Variants in PCDHA3 observed in about 807,000 individuals in gnomAD.
PCDHA3 encodes protocadherin alpha 3.
PCDHA3 carries 41 observed loss-of-function variants against 62.2 expected under a neutral mutation model. The observed-to-expected ratio is 0.66, with a 90% CI of 0.51 to 0.86. The LOEUF is 0.86. PCDHA3 is among the 40% of genes least tolerant of loss of function. The pLI is 0.00. For synonymous variants in PCDHA3, 640 were observed against 555.4 expected, an observed-to-expected ratio of 1.15 and a Z score of -2.14; for missense variants, 1,304 against 1,241.2, an observed-to-expected ratio of 1.05 and a Z score of -0.76.
At chr5:140,826,108 A>C (rs1252391414) in intron 1 of PCDHA3, among the ~76,000 whole-genome samples, 1 of 152,218 alleles carries the variant, frequency 6.6e-6, no homozygotes, top group East Asian at 1.9e-4. Context: ...CATGCTATTT[A>C]TATATTCCTA....
At chr5:140,849,528 G>T in intron 1 of PCDHA3, 4 of 1,597,792 alleles carry the variant, frequency 2.5e-6, no homozygotes, top group Non-Finnish European at 3.4e-6. Flanking sequence ...GGATGTAAAT[G>T]ACAATGCTCC....
Position 140,869,569 on chromosome 5 carries a change from G to A in PCDHA3, c.2394+65978G>A, listed in dbSNP as rs200465902. ...ATCGGACTCGCGTTTTCCACTAGAG[G>A]GAGCTTCTGATGCTGACATTGAAGA... On this transcript the variant is annotated intron_variant, in intron 1 of 3. Coordinates refer to ENST00000522353, the MANE Select transcript of PCDHA3 (RefSeq NM_018906.3). 4.4e-4 allele frequency: 718 copies of A among 1,614,118 alleles called. 4 individuals carry two copies. The African/African-American group carries it at 8.4e-3, about 19-fold the overall frequency.
intron 1 of PCDHA3, among the ~76,000 whole-genome samples, chr5:140,901,961 C>T (rs62384485): frequency 2.0e-5 from 3 of 151,946 alleles, no homozygotes; most frequent in Non-Finnish European, 2.9e-5. Flanking sequence ...TCGTGGCTAT[C>T]GTAAATGGGA....
At chr5:140,942,527 AACTC>A (rs1420689882) in intron 1 of PCDHA3, among the ~76,000 whole-genome samples, 2 of 152,162 alleles carry the variant, frequency 1.3e-5, no homozygotes, top group Non-Finnish European at 2.9e-5. Flanking sequence ...GGAAGCAACT[AACTC>A]AGTATGGTGG....
intron 1 of PCDHA3, among the ~76,000 whole-genome samples, chr5:140,895,850 AC>A (rs2065202764): frequency 6.6e-6 from 1 of 152,110 alleles, no homozygotes; most frequent in Non-Finnish European, 1.5e-5. Context: ...TCACTCTTGT[AC>A]CCCAGGCTGG....
intron 1 of PCDHA3, among the ~76,000 whole-genome samples, chr5:140,818,240 C>G (rs1292675833): frequency 1.3e-5 from 2 of 152,008 alleles, no homozygotes; most frequent in Non-Finnish European, 2.9e-5. Context: ...CTTTTATGTG[C>G]CATTTCTGTT....
intron 1 of PCDHA3, among the ~76,000 whole-genome samples, chr5:140,839,701 G>A (rs1342678083): frequency 6.6e-6 from 1 of 152,034 alleles, no homozygotes; most frequent in Non-Finnish European, 1.5e-5. Context: ...GGTAAATAAT[G>A]TGATGACAAA....
intron 1 of PCDHA3, among the ~76,000 whole-genome samples, chr5:140,940,086 A>C (rs373629874): frequency 6.6e-6 from 1 of 152,214 alleles, no homozygotes; most frequent in Non-Finnish European, 1.5e-5. Flanking sequence ...TTTCTGCTAA[A>C]TTGAAACTTT....
chr5:140,885,516 T>A (rs1235698672), intron 1 of PCDHA3, among the ~76,000 whole-genome samples: 2 of 152,198 alleles, frequency 1.3e-5, no homozygotes, highest in Non-Finnish European at 2.9e-5. Flanking sequence ...TGCTGTGCTA[T>A]CATTTCATAT....
At chr5:140,847,063 C>T (rs1366357065) in intron 1 of PCDHA3, among the ~76,000 whole-genome samples, 2 of 149,510 alleles carry the variant, frequency 1.3e-5, no homozygotes, top group Non-Finnish European at 3.0e-5. Flanking sequence ...CAGAAAGCAT[C>T]AATATGACAA....
intron 1 of PCDHA3, chr5:140,804,792 T>G (rs1004818648): frequency 6.7e-5 from 19 of 281,534 alleles, no homozygotes; most frequent in Non-Finnish European, 1.1e-4. Context: ...TCCCTACCAC[T>G]GGAGAGAAAT....
At chr5:140,882,887 G>A (rs781927732) in intron 1 of PCDHA3, 43 of 1,614,050 alleles carry the variant, frequency 2.7e-5, no homozygotes, top group Non-Finnish European at 3.6e-5. Context: ...GGAAATTCAG[G>A]AACATAGTTT....
chr5:140,968,798 G>A, intron 1 of PCDHA3: 3 of 1,614,232 alleles, frequency 1.9e-6, no homozygotes, highest in Non-Finnish European at 2.5e-6. Context: ...GGCCATTACA[G>A]TAGCTGTGGT....
At chr5:141,002,357 C>G (rs2098075744) in intron 3 of PCDHA3, among the ~76,000 whole-genome samples, 2 of 152,246 alleles carry the variant, frequency 1.3e-5, no homozygotes, top group Admixed American at 6.5e-5. Flanking sequence ...ACCTCCACTC[C>G]TTTCAACTCA....
intron 1 of PCDHA3, among the ~76,000 whole-genome samples, chr5:140,820,456 T>A (rs1421227937): frequency 3.3e-5 from 5 of 152,058 alleles, no homozygotes; most frequent in African/African-American, 9.6e-5. Flanking sequence ...GTCCCTCTTG[T>A]CTTCACAGGT....
intron 1 of PCDHA3, among the ~76,000 whole-genome samples, chr5:140,959,348 G>A (rs991931151): frequency 7.2e-5 from 11 of 151,992 alleles, no homozygotes; most frequent in Middle Eastern, 6.3e-3. Flanking sequence ...GCACTCCAGC[G>A]GGACAACTGA....
chr5:140,891,956 G>T (rs528674370), intron 1 of PCDHA3, among the ~76,000 whole-genome samples: 1 of 152,344 alleles, frequency 6.6e-6, no homozygotes, highest in South Asian at 2.1e-4. Flanking sequence ...CCAGAATTGT[G>T]AGAAGTAAAT....
intron 1 of PCDHA3, among the ~76,000 whole-genome samples, chr5:140,901,632 G>A (rs768343428): frequency 6.6e-5 from 10 of 152,172 alleles, no homozygotes; most frequent in Non-Finnish European, 1.3e-4. Flanking sequence ...GTCAGGTAAT[G>A]TGATTCTTCC....
intron 1 of PCDHA3, chr5:140,877,568 A>G (rs782021677): frequency 1.9e-6 from 3 of 1,613,708 alleles, no homozygotes; most frequent in Non-Finnish European, 1.7e-6. Context: ...ATTAACGTGT[A>G]CCTCATCATC....
Sources: allele counts gnomAD v4.1 joint callset (sites outside exome capture counted in the v4.1 genomes callset), GRCh38; gene constraint gnomAD v4.1.1; transcripts MANE v1.5; gene names NCBI Gene and HGNC (gene_info 2026-07-23, HGNC 2026-07-21).